COL22A1: variants seen among roughly 807,000 people sequenced by gnomAD.
COL22A1 encodes collagen alpha-1(XXII) chain.
Under a neutral mutation model 248.9 loss-of-function variants are expected in COL22A1, and 221 were observed. That is an observed-to-expected ratio of 0.89 (90% confidence interval 0.80 to 0.99). The LOEUF (loss-of-function observed/expected upper bound fraction) is 0.99. COL22A1 is among the 50% of genes least tolerant of loss of function. The pLI, the probability that COL22A1 is intolerant of heterozygous loss-of-function variation, is 0.00. For missense variants in COL22A1, 2,240 were observed against 2,179.0 expected, an observed-to-expected ratio of 1.03 and a Z score of -0.56; for synonymous variants, 891 against 793.4, an observed-to-expected ratio of 1.12 and a Z score of -2.07.
At chr8:138,742,324 G>A (rs1461021891) in intron 22 of COL22A1, among the ~76,000 whole-genome samples, 1 of 152,194 alleles carries the variant, frequency 6.6e-6, no homozygotes, top group Non-Finnish European at 1.5e-5. Context: ...TGGTGGAGTT[G>A]ATGGTGATGG....
intron 62 of COL22A1, among the ~76,000 whole-genome samples, chr8:138,596,495 A>G (rs1190846632): frequency 6.6e-6 from 1 of 151,950 alleles, no homozygotes; most frequent in Admixed American, 6.6e-5. Flanking sequence ...AAATTTAAGA[A>G]CCTCTATTGA....
chr8:138,790,025 A>T (rs947827883), intron 12 of COL22A1, among the ~76,000 whole-genome samples: 3 of 152,208 alleles, frequency 2.0e-5, no homozygotes, highest in African/African-American at 7.2e-5. Flanking sequence ...AAAAATCAAA[A>T]GTGTGTGTGC....
At chr8:138,710,351 C>A (rs1337666105) in intron 30 of COL22A1, among the ~76,000 whole-genome samples, 3 of 152,270 alleles carry the variant, frequency 2.0e-5, no homozygotes, top group African/African-American at 7.2e-5. Flanking sequence ...CTTCTTGAAC[C>A]AGCCCAGGAC....
chr8:138,772,668 T>A (rs886289876), intron 16 of COL22A1, among the ~76,000 whole-genome samples: 1 of 152,196 alleles, frequency 6.6e-6, no homozygotes. Flanking sequence ...TTTTGGATTC[T>A]TTCTGGCACA....
intron 1 of COL22A1, among the ~76,000 whole-genome samples, chr8:138,890,679 A>C (rs909807234): frequency 2.0e-5 from 3 of 152,146 alleles, no homozygotes; most frequent in Admixed American, 6.6e-5. Context: ...GAACCAATAA[A>C]CAAATTCAAC....
At chr8:138,789,724 G>A (rs756146550) in intron 12 of COL22A1, among the ~76,000 whole-genome samples, 2 of 152,206 alleles carry the variant, frequency 1.3e-5, no homozygotes, top group Non-Finnish European at 2.9e-5. Flanking sequence ...CCACTCTTGT[G>A]TCTTGTGTCA....
At chr8:138,634,433 A>C (rs1349511792) in intron 49 of COL22A1, among the ~76,000 whole-genome samples, 32 of 152,104 alleles carry the variant, frequency 2.1e-4, no homozygotes. Flanking sequence ...ATGGCTACCC[A>C]TGATGGATAT....
chr8:138,829,392 C>A (rs537292093), intron 5 of COL22A1, among the ~76,000 whole-genome samples: 15 of 136,604 alleles, frequency 1.1e-4, no homozygotes, highest in South Asian at 9.8e-4. Flanking sequence ...TCTTTATTTC[C>A]TTCCTTTCCT....
Position 138,904,310 on chromosome 8 carries a change from C to T in COL22A1, c.-73+9309G>A, listed in dbSNP as rs1185033291. On this transcript the variant is annotated intron_variant, in intron 1 of 64. Transcript: ENST00000303045. ...CCATTCAACTTCCCTCTCCAACGGC[C>T]AACTTCCAAAAGCCATCCAGAGACA... 2.0e-5 allele frequency among the ~76,000 whole-genome samples: 3 copies of T among 152,056 alleles called. No individual in the cohort carries two copies. In the East Asian group the frequency reaches 5.8e-4, roughly 29 times the overall value.
chr8:138,594,257 G>A, intron 62 of COL22A1, 58 bp from the exon 63 acceptor site: 1 of 1,467,728 alleles, frequency 6.8e-7, no homozygotes, highest in Non-Finnish European at 9.1e-7. Flanking sequence ...CATAGGACAG[G>A]ATGGCTACTC....
intron 1 of COL22A1, among the ~76,000 whole-genome samples, chr8:138,887,469 C>T (rs1044135252): frequency 6.6e-6 from 1 of 152,214 alleles, no homozygotes; most frequent in Admixed American, 6.5e-5. Flanking sequence ...CCACCCGCCT[C>T]GGCCTCCCAA....
intron 17 of COL22A1, among the ~76,000 whole-genome samples, chr8:138,761,683 T>G (rs1833497819): frequency 6.6e-6 from 1 of 152,154 alleles, no homozygotes; most frequent in Non-Finnish European, 1.5e-5. Context: ...CTAATTGGCT[T>G]TAATATGAAT....
chr8:138,822,896 C>T (rs1819264503), intron 6 of COL22A1, among the ~76,000 whole-genome samples: 1 of 152,182 alleles, frequency 6.6e-6, no homozygotes, highest in South Asian at 2.1e-4. Context: ...CTATCCAGGC[C>T]CAGGTGGTAG....
rs573143122 is a variant in COL22A1 at position 138,616,233 on chromosome 8, C to T, written c.3871-179G>A. ...GGCGGCCCTGAGTTGAGGTCTGTGG[C>T]GCACCCAAGGCCAGCTGTGAGTGCC... On this transcript the variant is annotated intron_variant, in intron 54 of 64. Transcript: ENST00000303045. Among the ~76,000 whole-genome samples, 283 of 152,294 alleles carry T rather than the reference C, an allele frequency of 1.9e-3. 2 individuals are homozygous for T. Among genetic ancestry groups the T allele is most frequent in the Non-Finnish European group, 2.2e-3 (149 of 68,024 alleles).
intron 50 of COL22A1, among the ~76,000 whole-genome samples, chr8:138,628,338 G>T (rs924569856): frequency 2.0e-5 from 3 of 150,882 alleles, no homozygotes; most frequent in Admixed American, 6.6e-5. Flanking sequence ...TGTAATCCTA[G>T]CACTTTGGGA....
chr8:138,787,347 G>A (rs1242762493), intron 12 of COL22A1, among the ~76,000 whole-genome samples: 1 of 152,186 alleles, frequency 6.6e-6, no homozygotes, highest in Non-Finnish European at 1.5e-5. Flanking sequence ...TAGGCTGGGA[G>A]GAGAGGGTCT....
chr8:138,845,807 G>T (rs934832158), intron 3 of COL22A1, among the ~76,000 whole-genome samples: 4 of 152,092 alleles, frequency 2.6e-5, no homozygotes, highest in Non-Finnish European at 4.4e-5. Flanking sequence ...CTGTAAGGAG[G>T]TTCTGTATTC....
At chr8:138,650,316 G>C (rs543441061) in intron 45 of COL22A1, among the ~76,000 whole-genome samples, 10 of 152,282 alleles carry the variant, frequency 6.6e-5, no homozygotes, top group Admixed American at 1.3e-4. Flanking sequence ...TGCCGACTCT[G>C]ACCATGCTTA....
intron 2 of COL22A1, among the ~76,000 whole-genome samples, chr8:138,878,530 T>C (rs1823928990): frequency 6.6e-6 from 1 of 152,158 alleles, no homozygotes. Context: ...AAGACTACTG[T>C]GAGGCTCAAC....
Sources: gnomAD v4.1 joint callset for allele counts (sites outside exome capture counted in the v4.1 genomes callset) on GRCh38, gnomAD v4.1.1 for gene constraint, MANE v1.5 for transcripts, NCBI Gene and HGNC (gene_info 2026-07-23, HGNC 2026-07-21) for gene names.